The following CSMD2 variants were observed in gnomAD, a reference collection of about 807,000 sequenced individuals.
CSMD2 encodes the protein CUB and sushi domain-containing protein 2.
A neutral mutation model predicts 398.5 loss-of-function variants in CSMD2; 130 were observed. The observed-to-expected ratio is 0.33, with a 90% CI of 0.28 to 0.38. CSMD2 has a LOEUF of 0.38. Ranked by LOEUF, CSMD2 falls within the 10% of genes least tolerant of loss-of-function variation. The pLI, the probability that CSMD2 is intolerant of heterozygous loss-of-function variation, is 1.00. For synonymous variants in CSMD2, 1,828 were observed against 1,908.5 expected (o/e 0.96, Z 1.10); for missense variants, 3,829 against 4,764.9 (o/e 0.80, Z 5.78).
intron 3 of CSMD2, among the ~76,000 whole-genome samples, chr1:33,986,492 A>G (rs1367780407): frequency 6.6e-5 from 10 of 152,172 alleles, no homozygotes; most frequent in Admixed American, 6.5e-4. Flanking sequence ...CTTGTGACAG[A>G]GCGAGTAGGT....
rs565842098 is a variant in CSMD2 at position 33,608,686 on chromosome 1, C to T, written c.6343+2355G>A. Among the ~76,000 whole-genome samples the T allele has an allele frequency of 5.3e-5, 8 of 152,204 alleles. No individual in the cohort carries two copies. In the South Asian group the frequency reaches 8.3e-4, roughly 16 times the overall value. On this transcript the variant is annotated intron_variant, in intron 41 of 70. Coordinates refer to ENST00000373381, the MANE Select transcript of CSMD2 (RefSeq NM_001281956.2). ...ACCATGTGAAGATGAAGCCAGAGGTCGGGGTGATACTTCTAAGAGCTGAGA... is the reference window on the plus strand; with the variant it reads ...ACCATGTGAAGATGAAGCCAGAGGTTGGGGTGATACTTCTAAGAGCTGAGA...
At chr1:34,073,178 A>C (rs1017605547) in intron 2 of CSMD2, among the ~76,000 whole-genome samples, 1 of 152,198 alleles carries the variant, frequency 6.6e-6, no homozygotes, top group African/African-American at 2.4e-5. Flanking sequence ...AACTTTCCTG[A>C]TTAACTACAC....
At chr1:33,977,631 C>A (rs1646016450) in intron 3 of CSMD2, among the ~76,000 whole-genome samples, 1 of 151,916 alleles carries the variant, frequency 6.6e-6, no homozygotes, top group Non-Finnish European at 1.5e-5. Flanking sequence ...TCCTTTACTG[C>A]AGCAGGAGCA....
intron 5 of CSMD2, among the ~76,000 whole-genome samples, chr1:33,867,430 A>G (rs1309559923): frequency 1.3e-5 from 2 of 152,254 alleles, no homozygotes; most frequent in Non-Finnish European, 2.9e-5. Flanking sequence ...CAATGCACAC[A>G]GCTAAGCTGT....
chr1:33,833,382 C>G (rs1659838417), intron 6 of CSMD2, among the ~76,000 whole-genome samples: 1 of 149,760 alleles, frequency 6.7e-6, no homozygotes, highest in Non-Finnish European at 1.5e-5. Flanking sequence ...AGCATATAAA[C>G]AGAGCCAAAG....
At chr1:34,139,897 A>G (rs1025542491) in intron 1 of CSMD2, among the ~76,000 whole-genome samples, 1 of 152,178 alleles carries the variant, frequency 6.6e-6, no homozygotes, top group Non-Finnish European at 1.5e-5. Flanking sequence ...CTGTCCTGCC[A>G]GTCTTGTGTG....
At chr1:33,876,017 A>C (rs993289719) in intron 5 of CSMD2, among the ~76,000 whole-genome samples, 3 of 152,168 alleles carry the variant, frequency 2.0e-5, no homozygotes, top group Admixed American at 1.3e-4. Flanking sequence ...CTCGGCAGCA[A>C]AAGGCCTTAC....
At chr1:33,591,687 A>G (rs1396108593) in intron 44 of CSMD2, 1 of 152,136 alleles carries the variant, frequency 6.6e-6, no homozygotes, top group Non-Finnish European at 1.5e-5. Flanking sequence ...CAGTACCACA[A>G]TCATAGCTCT....
At position 33,849,128 on chromosome 1, in the gene CSMD2, C is replaced by T. The variant is rs572217033; in HGVS notation, c.921-2132G>A. Among the ~76,000 whole-genome samples the T allele has an allele frequency of 5.3e-5, 8 of 152,290 alleles. No homozygotes were observed. The South Asian group carries it at 6.2e-4, about 12-fold the overall frequency. On this transcript the variant is annotated intron_variant, in intron 5 of 70. Transcript: ENST00000373381. ...AGAAATCCTGTTAACTGTTAATTTC[C>T]GAGGCTTAAACTCTCAGGGCCCTGT... is the stretch of plus-strand genomic sequence containing the variant.
At chr1:33,750,326 T>C (rs1648049010) in intron 13 of CSMD2, among the ~76,000 whole-genome samples, 1 of 152,192 alleles carries the variant, frequency 6.6e-6, no homozygotes, top group Non-Finnish European at 1.5e-5. Context: ...AAGGTGCTAG[T>C]TGGCATTCTG....
At chr1:33,549,201 A>T (rs1227533187) in intron 56 of CSMD2, among the ~76,000 whole-genome samples, 1 of 152,170 alleles carries the variant, frequency 6.6e-6, no homozygotes, top group African/African-American at 2.4e-5. Flanking sequence ...TCTTATGGGT[A>T]AGGTCCTACA....
Position 33,519,753 on chromosome 1 carries a change from C to G in CSMD2, c.10736+59G>C, listed in dbSNP as rs2641959. 0.58 allele frequency: 938,574 copies of G among 1,611,896 alleles called. 275,404 individuals carry two copies. Among genetic ancestry groups the G allele is most frequent in the East Asian group, 0.75 (33,416 of 44,774 alleles). Reference sequence around the variant, plus strand: ...GGCTTAGGGGTCTGGTGCGGGGGGCCCTGGAGGGAGAGAGGGAGGCCTGCC... The same window carrying G: ...GGCTTAGGGGTCTGGTGCGGGGGGCGCTGGAGGGAGAGAGGGAGGCCTGCC... On this transcript the variant is annotated intron_variant, in intron 69 of 70. Transcript: ENST00000373381. This position sits in a 1 kb window ranked among gnomAD's most constrained non-coding sequence, Gnocchi z 5.6.
rs745747832 is a variant in CSMD2 at position 33,580,726 on chromosome 1, T to G, written c.7387+27A>C. The G allele has an allele frequency of 5.6e-6, 9 of 1,613,532 alleles. No individual in the cohort carries two copies. In the Admixed American group the frequency reaches 1.5e-4, roughly 27 times the overall value. On this transcript the variant is annotated intron_variant, in intron 48 of 70. Coordinates refer to ENST00000373381, the MANE Select transcript of CSMD2 (RefSeq NM_001281956.2). ...GAGGCTTCGATGAGGAGAGGGCCTGTGGCTTATTTGTGTTTTTTTCACTCA... is the reference window on the plus strand; with the variant it reads ...GAGGCTTCGATGAGGAGAGGGCCTGGGGCTTATTTGTGTTTTTTTCACTCA...
At chr1:33,809,378 G>A (rs919612281) in intron 10 of CSMD2, among the ~76,000 whole-genome samples, 2 of 151,940 alleles carry the variant, frequency 1.3e-5, no homozygotes, top group Non-Finnish European at 2.9e-5. Flanking sequence ...GGCAATATTT[G>A]CTATACTAAG....
intron 1 of CSMD2, among the ~76,000 whole-genome samples, chr1:34,136,540 C>T (rs1032695540): frequency 6.6e-6 from 1 of 152,112 alleles, no homozygotes; most frequent in African/African-American, 2.4e-5. Flanking sequence ...GGGTTACAGG[C>T]CTGACATATC....
intron 47 of CSMD2, among the ~76,000 whole-genome samples, chr1:33,581,112 A>G (rs1162514742): frequency 2.1e-5 from 3 of 141,172 alleles, no homozygotes; most frequent in Non-Finnish European, 4.4e-5. Context: ...GTCCCTGCCT[A>G]CCTCTAGGGG....
chr1:34,054,949 A>T (rs1167183319), intron 2 of CSMD2, among the ~76,000 whole-genome samples: 1 of 152,148 alleles, frequency 6.6e-6, no homozygotes, highest in African/African-American at 2.4e-5. Context: ...GTCATTTTCA[A>T]AAATAAGAAT....
intron 2 of CSMD2, among the ~76,000 whole-genome samples, chr1:34,062,566 C>T (rs955845522): frequency 3.0e-4 from 46 of 152,114 alleles, no homozygotes; most frequent in African/African-American, 7.0e-4. Context: ...GGAGGGGCTC[C>T]GGGGGCAAGA....
chr1:33,911,066 T>C (rs1643421170), intron 5 of CSMD2, among the ~76,000 whole-genome samples: 1 of 152,230 alleles, frequency 6.6e-6, no homozygotes, highest in Admixed American at 6.5e-5. Context: ...ACTGTGAGCT[T>C]CAGGGTCCAG....
Sources: gnomAD v4.1 joint callset for allele counts (sites outside exome capture counted in the v4.1 genomes callset) on GRCh38, gnomAD v4.1.1 for gene constraint, Gnocchi (gnomAD v3.1) non-coding constraint, MANE v1.5 for transcripts, NCBI Gene and HGNC (gene_info 2026-07-23, HGNC 2026-07-21) for gene names.